KCNQ3: variants seen among roughly 807,000 people sequenced by gnomAD.
KCNQ3 encodes the protein potassium voltage-gated channel subfamily KQT member 3.
KCNQ3 carries 30 observed loss-of-function variants against 92.5 expected under a neutral mutation model. The observed-to-expected ratio is 0.32, with a 90% confidence interval of 0.24 to 0.44. KCNQ3 has a LOEUF of 0.44. KCNQ3 is among the 20% of genes least tolerant of loss of function. The probability of loss-of-function intolerance (pLI) is 1.00; values close to 1 mark genes in which losing one functional copy is unlikely to be tolerated. For missense variants in KCNQ3, 913 were observed against 1,140.3 expected (o/e 0.80, Z 2.87); for synonymous variants, 450 against 468.8 (o/e 0.96, Z 0.52).
At chr8:132,145,948 G>A (rs1386470235) in intron 9 of KCNQ3, among the ~76,000 whole-genome samples, 1 of 152,238 alleles carries the variant, frequency 6.6e-6, no homozygotes, top group African/African-American at 2.4e-5. Flanking sequence ...TGGGTGCGAG[G>A]GGCATGAGGA....
intron 1 of KCNQ3, among the ~76,000 whole-genome samples, chr8:132,278,883 C>A (rs1429927842): frequency 1.3e-5 from 2 of 152,122 alleles, no homozygotes; most frequent in Non-Finnish European, 2.9e-5. Context: ...GGTCCTTAAC[C>A]TTGACTGCAC....
chr8:132,466,176 C>T (rs1822168593), intron 1 of KCNQ3, among the ~76,000 whole-genome samples: 1 of 151,984 alleles, frequency 6.6e-6, no homozygotes, highest in African/African-American at 2.4e-5. Context: ...TTTACAAATA[C>T]TTTTAATTCA....
intron 1 of KCNQ3, among the ~76,000 whole-genome samples, chr8:132,470,137 T>G (rs1027941509): frequency 6.6e-6 from 1 of 152,018 alleles, no homozygotes; most frequent in Non-Finnish European, 1.5e-5. Context: ...TGGCACAAGG[T>G]TTGGCAACAG....
intron 1 of KCNQ3, among the ~76,000 whole-genome samples, chr8:132,444,351 C>T (rs946887765): frequency 1.4e-4 from 22 of 152,160 alleles, no homozygotes; most frequent in African/African-American, 9.7e-5. Flanking sequence ...TCTGTGCCTT[C>T]GTGCTACAAC....
rs541483634 is a variant in KCNQ3, at chr8:132,296,156, C to T, written c.387-109975G>A. ...GTTCCAATTTGAATGCCACATGTGGCCATTGCGTACCATATTGGGCAGTGC... is the reference window on the plus strand; with the variant it reads ...GTTCCAATTTGAATGCCACATGTGGTCATTGCGTACCATATTGGGCAGTGC... On this transcript the variant is annotated intron_variant, in intron 1 of 14. Transcript: ENST00000388996. 9.2e-5 allele frequency among the ~76,000 whole-genome samples: 14 copies of T among 152,296 alleles called. No homozygotes were observed. In the East Asian group the frequency reaches 2.7e-3, roughly 29 times the overall value.
chr8:132,226,146 C>A (rs1484016769), intron 1 of KCNQ3, among the ~76,000 whole-genome samples: 1 of 152,016 alleles, frequency 6.6e-6, no homozygotes, highest in Non-Finnish European at 1.5e-5. Flanking sequence ...TGGCAGGCAC[C>A]TGTAGTCTCA....
chr8:132,217,922 C>T (rs1450573141), intron 1 of KCNQ3, among the ~76,000 whole-genome samples: 2 of 152,104 alleles, frequency 1.3e-5, no homozygotes, highest in Non-Finnish European at 2.9e-5. Context: ...GCAAATGGCC[C>T]TGCCAGGCTC....
chr8:132,395,814 A>G (rs371378671), intron 1 of KCNQ3, among the ~76,000 whole-genome samples: 4 of 152,314 alleles, frequency 2.6e-5, no homozygotes, highest in Admixed American at 1.3e-4. Flanking sequence ...GACTTACCCA[A>G]TGGCATCTCC....
chr8:132,257,378 TA>T (rs1237271340), intron 1 of KCNQ3, among the ~76,000 whole-genome samples: 1 of 152,162 alleles, frequency 6.6e-6, no homozygotes, highest in Admixed American at 6.5e-5. Flanking sequence ...ATGTAAGTTT[TA>T]TAATATCAGT....
chr8:132,337,352 C>T (rs1357341849), intron 1 of KCNQ3, among the ~76,000 whole-genome samples: 2 of 152,050 alleles, frequency 1.3e-5, no homozygotes, highest in African/African-American at 4.8e-5. Context: ...TAAAAGTTAG[C>T]CAGGCATGGT....
Position 132,129,547 on chromosome 8 carries a change from C to T in KCNQ3, c.2334G>A (p.Gln778=), listed in dbSNP as rs373157392. The T allele has an allele frequency of 6.2e-6, 10 of 1,614,096 alleles. No individual in the cohort carries two copies. In the African/African-American group the frequency reaches 1.3e-4, roughly 22 times the overall value. The part of the protein sequence containing the change: ...GPYSDRISPR[Q]RRSITRDSDT... ...CACTGTCTCGCGTGATGCTACGTCT[C>T]TGCCGGGGGGAGATTCGGTCCGAGT... is the stretch of plus-strand genomic sequence containing the variant. The change falls in exon 15 of 15, where the codon CAG becomes CAA. Residue 778 remains glutamine (Q), a synonymous_variant. Transcript: ENST00000388996. The surrounding 1 kb of genome is among the most constrained non-coding windows in gnomAD (Gnocchi z 5.9).
At chr8:132,201,202 G>A (rs999975495) in intron 1 of KCNQ3, among the ~76,000 whole-genome samples, 1 of 152,150 alleles carries the variant, frequency 6.6e-6, no homozygotes, top group African/African-American at 2.4e-5. Flanking sequence ...TCTCAACACT[G>A]TTGCATTGGG....
chr8:132,172,397 TACACACACACACACAC>T (rs35831322), intron 7 of KCNQ3, among the ~76,000 whole-genome samples, 185 bp downstream of exon 7: 4 of 140,392 alleles, frequency 2.8e-5, no homozygotes, highest in South Asian at 4.9e-4. Flanking sequence ...GGCACATTAA[TACACACACACACACAC>T]ACACACACAC....
chr8:132,331,727 G>A (rs1398707813), intron 1 of KCNQ3, among the ~76,000 whole-genome samples: 1 of 152,206 alleles, frequency 6.6e-6, no homozygotes, highest in African/African-American at 2.4e-5. Flanking sequence ...ATATAAATAA[G>A]TAAACAGGAA....
chr8:132,275,311 T>C (rs1304290278), intron 1 of KCNQ3, among the ~76,000 whole-genome samples: 1 of 152,202 alleles, frequency 6.6e-6, no homozygotes, highest in Non-Finnish European at 1.5e-5. Flanking sequence ...TAAATGTGAA[T>C]GAATAATTGC....
intron 1 of KCNQ3, among the ~76,000 whole-genome samples, chr8:132,396,907 A>G (rs1820206212): frequency 6.6e-6 from 1 of 152,012 alleles, no homozygotes; most frequent in Non-Finnish European, 1.5e-5. Flanking sequence ...CAGAATTGAA[A>G]GAAAAGCAAT....
intron 1 of KCNQ3, among the ~76,000 whole-genome samples, chr8:132,252,935 C>G (rs867076117): frequency 6.6e-6 from 1 of 152,182 alleles, no homozygotes; most frequent in Non-Finnish European, 1.5e-5. Flanking sequence ...AAACACTGCC[C>G]TCCTTCTCAC....
intron 1 of KCNQ3, among the ~76,000 whole-genome samples, chr8:132,469,290 A>T (rs1268479750): frequency 6.6e-6 from 1 of 152,176 alleles, no homozygotes; most frequent in Non-Finnish European, 1.5e-5. Flanking sequence ...CCCAATATAG[A>T]CAAGGTCCTA....
intron 1 of KCNQ3, among the ~76,000 whole-genome samples, chr8:132,345,826 G>T (rs1263359054): frequency 1.3e-5 from 2 of 152,118 alleles, no homozygotes; most frequent in African/African-American, 4.8e-5. Flanking sequence ...AGATAATGAG[G>T]ATGATGACTG....
Sources: gnomAD v4.1 joint callset for allele counts (sites outside exome capture counted in the v4.1 genomes callset) on GRCh38, gnomAD v4.1.1 for gene constraint, Gnocchi (gnomAD v3.1) non-coding constraint, MANE v1.5 for transcripts, NCBI Gene and HGNC (gene_info 2026-07-23, HGNC 2026-07-21) for gene names.